The following ITGB1 variants were observed in gnomAD, a reference collection of about 807,000 sequenced individuals.
ITGB1 encodes integrin beta-1.
ITGB1 carries 24 observed loss-of-function variants against 86.5 expected under a neutral mutation model. The ratio of observed to expected loss-of-function variants is 0.28; its 90% CI spans 0.20 to 0.39. ITGB1 has a LOEUF of 0.39. ITGB1 is among the 10% of genes least tolerant of loss of function. The pLI is 1.00. For synonymous variants in ITGB1, 323 were observed against 316.8 expected (o/e 1.02, Z -0.21); for missense variants, 556 against 946.9 (o/e 0.59, Z 5.42).
chr10:32,956,818 ATCT>A (rs1180547075), intron 1 of ITGB1, among the ~76,000 whole-genome samples: 1 of 152,266 alleles, frequency 6.6e-6, no homozygotes, highest in African/African-American at 2.4e-5. Flanking sequence ...TATTTTTAAC[ATCT>A]TTTTACTATA....
chr10:32,927,674 A>C (rs2094969593), intron 5 of ITGB1, among the ~76,000 whole-genome samples: 1 of 152,182 alleles, frequency 6.6e-6, no homozygotes, highest in Non-Finnish European at 1.5e-5. Context: ...GATGCCTGTA[A>C]TCCCAGCTAC....
chr10:32,921,505 A>T (rs930957946), intron 9 of ITGB1, among the ~76,000 whole-genome samples: 13 of 152,152 alleles, frequency 8.5e-5, no homozygotes, highest in African/African-American at 3.1e-4. Context: ...TCTAAAATTC[A>T]AGCTGCCAAA....
Position 32,928,170 on chromosome 10 carries a change from G to T in ITGB1, c.471C>A (p.Asp157Glu). The stretch of plus-strand genomic sequence containing the variant: ...CAAGACTTTTTACATTCTCCAAATC[G>T]TCTTTCATTGAGTAAGACAGGTCCA... ...YLMDLSYSMK[D>E]DLENVKSLGT... Residue 157 changes from aspartate (D) to glutamate (E), a missense_variant, in exon 5 of 16, where the codon GAC (aspartate) becomes GAA (glutamate). Around this residue, in one of 4 missense-constraint regions of ITGB1, gnomAD observed 183 missense variants for 263.9 expected, o/e 0.69. Transcript: ENST00000302278. The T allele has an allele frequency of 1.3e-6, 2 of 1,498,704 alleles. No individual in the cohort carries two copies. The highest frequency in any genetic ancestry group is 2.3e-5 in the East Asian group (1 of 44,302). The allele number at this position is 1,498,704 out of a possible 1,614,324, so 92.8% of individuals were successfully genotyped here.
chr10:32,921,248 G>A (rs1224916895), intron 9 of ITGB1, among the ~76,000 whole-genome samples: 17 of 151,880 alleles, frequency 1.1e-4, no homozygotes, highest in Non-Finnish European at 4.4e-5. Context: ...AGGACAAATG[G>A]AGAAGGGTAC....
At chr10:32,908,221 A>C (rs1397238195) in intron 15 of ITGB1, 147 bp downstream of exon 15, 1 of 732,588 alleles carries the variant, frequency 1.4e-6, no homozygotes, top group Non-Finnish European at 2.4e-6. Context: ...TTTTCACTAA[A>C]TGCAAATTCC....
intron 2 of ITGB1, among the ~76,000 whole-genome samples, chr10:32,933,831 A>G (rs1047398820): frequency 1.3e-5 from 2 of 152,294 alleles, no homozygotes; most frequent in East Asian, 3.9e-4. Context: ...TATTCTTATC[A>G]TCACAAATTC....
intron 1 of ITGB1, among the ~76,000 whole-genome samples, chr10:32,943,819 AAG>A (rs1202281455): frequency 6.6e-6 from 1 of 152,216 alleles, no homozygotes; most frequent in East Asian, 1.9e-4. Context: ...AACCAAGAAA[AAG>A]AGAAAAAGCC....
At chr10:32,922,414 C>G in intron 8 of ITGB1, 68 bp from the exon 9 acceptor site, 1 of 1,056,474 alleles carries the variant, frequency 9.5e-7, no homozygotes. Context: ...ATCCACTGAG[C>G]AACTTTTATC....
chr10:32,906,539 GAT>G (rs2094896920), intron 15 of ITGB1: 1 of 216,220 alleles, frequency 4.6e-6, no homozygotes, highest in African/African-American at 2.4e-5. Context: ...GCAGTGAGCT[GAT>G]ATCACACCAC....
chr10:32,909,261 T>G (rs996643019), intron 14 of ITGB1, among the ~76,000 whole-genome samples: 22 of 152,118 alleles, frequency 1.4e-4, no homozygotes, highest in African/African-American at 4.3e-4. Flanking sequence ...AAGACAGTCT[T>G]TTTTCAACAA....
intron 8 of ITGB1, 114 bp from the exon 9 acceptor site, chr10:32,922,460 C>CA: frequency 1.2e-6 from 1 of 811,714 alleles, no homozygotes; most frequent in Non-Finnish European, 2.0e-6. Flanking sequence ...TCCTAACTAA[C>CA]TTTAGGAGTC....
intron 15 of ITGB1, among the ~76,000 whole-genome samples, chr10:32,905,043 TAAAAA>T (rs5784310): frequency 7.0e-6 from 1 of 142,396 alleles, no homozygotes; most frequent in African/African-American, 2.7e-5. Flanking sequence ...AAATATGTAT[TAAAAA>T]AAAAAAAAAG....
chr10:32,901,656 G>C (rs776469262), intron 15 of ITGB1, 21 bp from the exon 16 acceptor site: 1 of 1,504,614 alleles, frequency 6.6e-7, no homozygotes, highest in Admixed American at 1.8e-5. Flanking sequence ...AAAAAAGTGA[G>C]AAAAATTATC....
chr10:32,921,093 A>G (rs1192711261), intron 9 of ITGB1, among the ~76,000 whole-genome samples: 3 of 150,416 alleles, frequency 2.0e-5, no homozygotes, highest in Admixed American at 1.3e-4. Context: ...CCAGCTAACT[A>G]TGGACTAGGG....
chr10:32,936,785 C>T (rs1224277296), intron 1 of ITGB1, among the ~76,000 whole-genome samples: 1 of 152,062 alleles, frequency 6.6e-6, no homozygotes, highest in Non-Finnish European at 1.5e-5. Flanking sequence ...GGACTAGCAG[C>T]CAATCTAATA....
At chr10:32,939,244 G>C (rs964851430) in intron 1 of ITGB1, among the ~76,000 whole-genome samples, 5 of 152,204 alleles carry the variant, frequency 3.3e-5, no homozygotes, top group African/African-American at 1.2e-4. Flanking sequence ...GGGGATAACA[G>C]GGAAAGATGC....
intron 1 of ITGB1, among the ~76,000 whole-genome samples, chr10:32,942,066 G>A (rs1467718974): frequency 1.3e-5 from 2 of 152,080 alleles, no homozygotes; most frequent in Non-Finnish European, 2.9e-5. Context: ...GGGATGAAAA[G>A]AATACTTAGG....
At chr10:32,922,166 A>C (rs369499609) in intron 9 of ITGB1, 91 bp downstream of exon 9, 3 of 771,360 alleles carry the variant, frequency 3.9e-6, no homozygotes, top group Admixed American at 2.8e-5. Flanking sequence ...TGGGCTCGCT[A>C]AAGTGTGTAT....
At chr10:32,904,898 T>C (rs1161526275) in intron 15 of ITGB1, among the ~76,000 whole-genome samples, 2 of 152,172 alleles carry the variant, frequency 1.3e-5, no homozygotes, top group Admixed American at 6.5e-5. Flanking sequence ...TACTGATAAT[T>C]TCCTTCAAAA....
Sources: gnomAD v4.1 joint callset for allele counts (sites outside exome capture counted in the v4.1 genomes callset) on GRCh38, gnomAD v4.1.1 for gene constraint, gnomAD v4.1.1 regional missense constraint, MANE v1.5 for transcripts, NCBI Gene and HGNC (gene_info 2026-07-23, HGNC 2026-07-21) for gene names.